Variants in COMMD1 observed in about 807,000 individuals in gnomAD.
The protein encoded by COMMD1 is copper metabolism domain containing 1.
A neutral mutation model predicts 17.2 loss-of-function variants in COMMD1; 10 were observed. The observed-to-expected ratio is 0.58, with a 90% CI of 0.36 to 0.99. The LOEUF (loss-of-function observed/expected upper bound fraction) is 0.99. COMMD1 is among the 50% of genes least tolerant of loss of function. The pLI is 0.01. For missense variants in COMMD1, 270 were observed against 231.8 expected, an observed-to-expected ratio of 1.17 and a Z score of -1.07; for synonymous variants, 97 against 91.6, an observed-to-expected ratio of 1.06 and a Z score of -0.34.
At position 61,977,525 on chromosome 2, in the gene COMMD1, T is replaced by G. The variant is rs544021893; in HGVS notation, c.181-23176T>G. Among the ~76,000 whole-genome samples, 260 of 151,330 alleles carry G rather than the reference T, an allele frequency of 1.7e-3. 1 individual carries two copies. The highest frequency in any genetic ancestry group is 5.9e-3 in the African/African-American group (245 of 41,350). On this transcript the variant is annotated intron_variant, in intron 1 of 2. Coordinates refer to ENST00000311832, the MANE Select transcript of COMMD1 (RefSeq NM_152516.4). ...TCCCAAAGTGCTGGGATTACAGGCATGAGCTGCCGCGCCTGGCCAGTCTGC... is the reference window on the plus strand; with the variant it reads ...TCCCAAAGTGCTGGGATTACAGGCAGGAGCTGCCGCGCCTGGCCAGTCTGC...
At chr2:61,986,976 C>G (rs1672122315) in intron 1 of COMMD1, among the ~76,000 whole-genome samples, 1 of 152,124 alleles carries the variant, frequency 6.6e-6, no homozygotes, top group South Asian at 2.1e-4. Flanking sequence ...ATACTCTGAT[C>G]CATTCTTCAT....
intron 2 of COMMD1, among the ~76,000 whole-genome samples, chr2:62,109,919 CT>C (rs11345736): frequency 0.26 from 19,004 of 74,284 alleles, 731 homozygotes; most frequent in Admixed American, 0.3. Flanking sequence ...TTATCTTGAT[CT>C]TTTTTTTTTT....
At chr2:62,062,071 T>G (rs899006968) in intron 2 of COMMD1, among the ~76,000 whole-genome samples, 1 of 151,820 alleles carries the variant, frequency 6.6e-6, no homozygotes, top group African/African-American at 2.4e-5. Context: ...GGAGTCAAAC[T>G]GACCTGGATT....
At chr2:62,091,254 T>G (rs527762140) in intron 2 of COMMD1, among the ~76,000 whole-genome samples, 25 of 152,374 alleles carry the variant, frequency 1.6e-4, no homozygotes, top group African/African-American at 5.8e-4. Flanking sequence ...TCCTTTTCCC[T>G]CTTCCTGGAA....
chr2:61,917,607 A>AGGC (rs1670082864), intron 1 of COMMD1, among the ~76,000 whole-genome samples: 1 of 151,298 alleles, frequency 6.6e-6, no homozygotes, highest in Non-Finnish European at 1.5e-5. Flanking sequence ...GGCTCACTGC[A>AGGC]AGCTCTGCCT....
intron 2 of COMMD1, among the ~76,000 whole-genome samples, chr2:62,065,050 C>T (rs1372664287): frequency 6.6e-6 from 1 of 152,094 alleles, no homozygotes. Flanking sequence ...CACCTGTAAT[C>T]CCAGCTACTT....
At chr2:62,062,821 C>G (rs2060632) in intron 2 of COMMD1, among the ~76,000 whole-genome samples, 57,954 of 151,780 alleles carry the variant, frequency 0.38, 12,392 homozygotes, top group African/African-American at 0.59. Flanking sequence ...TGTAATCTTA[C>G]CACTTTCGGA....
At chr2:62,003,107 C>G (rs1669003231) in intron 2 of COMMD1, among the ~76,000 whole-genome samples, 1 of 151,944 alleles carries the variant, frequency 6.6e-6, no homozygotes, top group Admixed American at 6.6e-5. Flanking sequence ...GTGGCAGGCA[C>G]CTGTAATCCT....
At chr2:61,903,161 TGGCCA>T (rs1406334827), upstream of COMMD1, among the ~76,000 whole-genome samples, 3 of 152,148 alleles carry the variant, frequency 2.0e-5, no homozygotes, top group Non-Finnish European at 2.9e-5. Flanking sequence ...AAAATGCCTC[TGGCCA>T]GGTACAGTGG....
At chr2:61,994,475 A>T (rs1668692578) in intron 1 of COMMD1, among the ~76,000 whole-genome samples, 1 of 152,102 alleles carries the variant, frequency 6.6e-6, no homozygotes, top group South Asian at 2.1e-4. Flanking sequence ...TTTCAGCTCC[A>T]GTCTCACTTG....
intron 1 of COMMD1, among the ~76,000 whole-genome samples, chr2:61,960,225 A>G (rs1671305505): frequency 6.6e-6 from 1 of 152,154 alleles, no homozygotes; most frequent in South Asian, 2.1e-4. Flanking sequence ...ATTTCTCACA[A>G]TCCCTTCTCT....
chr2:62,068,318 A>G (rs1277278725), intron 2 of COMMD1, among the ~76,000 whole-genome samples: 1 of 152,226 alleles, frequency 6.6e-6, no homozygotes, highest in African/African-American at 2.4e-5. Flanking sequence ...AACCTCTCCC[A>G]GATATTTTCT....
At chr2:62,015,203 G>A (rs925710093) in intron 2 of COMMD1, among the ~76,000 whole-genome samples, 6 of 152,046 alleles carry the variant, frequency 3.9e-5, no homozygotes, top group African/African-American at 1.4e-4. Context: ...TTCAGCCCCT[G>A]GTAACCTCTT....
At chr2:61,914,026 G>C (rs1193511096) in intron 1 of COMMD1, among the ~76,000 whole-genome samples, 1 of 151,802 alleles carries the variant, frequency 6.6e-6, no homozygotes, top group Non-Finnish European at 1.5e-5. Flanking sequence ...AAAAAAATTA[G>C]CCACGTGTGG....
chr2:62,001,154 C>T, intron 2 of COMMD1, 172 bp downstream of exon 2: 1 of 678,236 alleles, frequency 1.5e-6, no homozygotes, highest in South Asian at 1.8e-5. Flanking sequence ...CACTTGTGGA[C>T]AGAGTCTGGA....
chr2:61,994,073 G>T (rs1012161365), intron 1 of COMMD1, among the ~76,000 whole-genome samples: 2 of 151,914 alleles, frequency 1.3e-5, no homozygotes, highest in Non-Finnish European at 1.5e-5. Context: ...TGCAACCTTC[G>T]CCTCCCGGGT....
At chr2:62,074,139 G>A (rs1390210273) in intron 2 of COMMD1, among the ~76,000 whole-genome samples, 3 of 152,142 alleles carry the variant, frequency 2.0e-5, no homozygotes, top group Non-Finnish European at 4.4e-5. Flanking sequence ...TTGGAATCAG[G>A]GCACATCACC....
At chr2:62,069,298 A>G (rs569852276) in intron 2 of COMMD1, 2 of 152,278 alleles carry the variant, frequency 1.3e-5, no homozygotes, top group South Asian at 2.1e-4. Context: ...TGCCTGGTCA[A>G]CATCAAGTTT....
At chr2:61,917,852 CAT>C (rs1172973197) in intron 1 of COMMD1, among the ~76,000 whole-genome samples, 2 of 152,136 alleles carry the variant, frequency 1.3e-5, no homozygotes, top group Non-Finnish European at 2.9e-5. Flanking sequence ...TTTTGGATAA[CAT>C]ATGTTAATAA....
Sources: allele counts gnomAD v4.1 joint callset (sites outside exome capture counted in the v4.1 genomes callset), GRCh38; gene constraint gnomAD v4.1.1; transcripts MANE v1.5; gene names NCBI Gene and HGNC (gene_info 2026-07-23, HGNC 2026-07-21).